WDR43: variants seen among roughly 807,000 people sequenced by gnomAD.
The protein encoded by WDR43 is WD repeat domain 43.
Under a neutral mutation model 91.4 loss-of-function variants are expected in WDR43, and 13 were observed. The ratio of observed to expected loss-of-function variants is 0.14; its 90% CI spans 0.09 to 0.23. The LOEUF is 0.23. Ranked by LOEUF, WDR43 falls within the 10% of genes least tolerant of loss-of-function variation. The pLI is 1.00. For synonymous variants in WDR43, 331 were observed against 287.9 expected, an observed-to-expected ratio of 1.15 and a Z score of -1.51; for missense variants, 780 against 809.4, an observed-to-expected ratio of 0.96 and a Z score of 0.44.
chr2:28,926,448 T>A lies in WDR43; in HGVS notation c.1087-20T>A, dbSNP rs1671144116. The A allele has an allele frequency of 6.7e-7, 1 of 1,494,488 alleles. No individual in the cohort carries two copies. The highest frequency in any genetic ancestry group is 9.0e-7 in the Non-Finnish European group (1 of 1,112,458). The allele number at this position is 1,494,488 out of a possible 1,614,324, so 92.6% of individuals were successfully genotyped here. The stretch of plus-strand genomic sequence containing the variant: ...TTTTCTTTCCTCTCATCTTCCCCTT[T>A]AAAAAAAATATATTTTCAGGCTTTA... On this transcript the variant is annotated intron_variant, in intron 8 of 17. Coordinates refer to ENST00000407426, the MANE Select transcript of WDR43 (RefSeq NM_015131.3).
chr2:28,912,211 A>T (rs1233968965), intron 3 of WDR43, among the ~76,000 whole-genome samples: 1 of 152,168 alleles, frequency 6.6e-6, no homozygotes, highest in Non-Finnish European at 1.5e-5. Context: ...TAGGGTTAGG[A>T]TGGGCTTGGG....
chr2:28,915,929 T>C (rs533719656), intron 5 of WDR43, among the ~76,000 whole-genome samples: 20 of 152,234 alleles, frequency 1.3e-4, no homozygotes, highest in Non-Finnish European at 2.5e-4. Context: ...AATTTTCTTC[T>C]GAACTCCAAA....
At position 28,927,686 on chromosome 2, in the gene WDR43, T is replaced by C; in HGVS notation, c.1291T>C (p.Ser431Pro). The C allele has an allele frequency of 6.2e-7, 1 of 1,613,906 alleles. No homozygotes were observed. The highest frequency in any genetic ancestry group is 8.5e-7 in the Non-Finnish European group (1 of 1,179,844). Residue 431 changes from serine (S) to proline (P), a missense_variant, in exon 10 of 18, where the codon TCA becomes CCA. By Grantham distance (74) the Ser-to-Pro change is moderately conservative. Around this residue, in one of 4 missense-constraint regions of WDR43, gnomAD observed 426 missense variants for 467.8 expected, o/e 0.91. Coordinates refer to ENST00000407426, the MANE Select transcript of WDR43 (RefSeq NM_015131.3). ...QTEQVESKRK[S>P]GGNEVSIEER... is the part of the protein sequence containing the mutation. ...CGAGCAAGTAGAGAGCAAGAGGAAG[T>C]CAGGGGGAAATGAGGTAATGCAACT...
intron 10 of WDR43, among the ~76,000 whole-genome samples, chr2:28,928,948 T>G (rs1358325636): frequency 6.6e-6 from 1 of 152,216 alleles, no homozygotes; most frequent in Admixed American, 6.5e-5. Context: ...GTGCTGGGAT[T>G]ACAGGTGAGA....
chr2:28,898,156 T>C (rs1172545032), intron 1 of WDR43, among the ~76,000 whole-genome samples: 1 of 152,278 alleles, frequency 6.6e-6, no homozygotes, highest in African/African-American at 2.4e-5. Context: ...TTTCCTTCTC[T>C]AACAGACCTT....
chr2:28,920,514 CA>C (rs1309941866), intron 6 of WDR43, among the ~76,000 whole-genome samples: 4 of 151,840 alleles, frequency 2.6e-5, no homozygotes, highest in African/African-American at 9.7e-5. Context: ...AGGCATAAGC[CA>C]CCCCACTCAA....
chr2:28,901,788 G>A (rs1259214403), intron 1 of WDR43, among the ~76,000 whole-genome samples, 199 bp from the exon 2 acceptor site: 1 of 152,052 alleles, frequency 6.6e-6, no homozygotes, highest in Non-Finnish European at 1.5e-5. Context: ...GGTGGGAGAC[G>A]GGGGACATAG....
intron 12 of WDR43, 83 bp from the exon 13 acceptor site, chr2:28,936,839 C>A: frequency 8.1e-7 from 1 of 1,232,492 alleles, no homozygotes; most frequent in Non-Finnish European, 1.2e-6. Context: ...AATAATTTCT[C>A]AATATTGTCA....
intron 4 of WDR43, 113 bp downstream of exon 4, chr2:28,912,823 T>C: frequency 7.2e-7 from 1 of 1,384,302 alleles, no homozygotes; most frequent in Non-Finnish European, 9.7e-7. Flanking sequence ...CATTGTCAGG[T>C]ACATCAAATA....
intron 5 of WDR43, among the ~76,000 whole-genome samples, chr2:28,916,203 T>C (rs189488004): frequency 3.3e-5 from 5 of 152,312 alleles, no homozygotes; most frequent in Admixed American, 1.3e-4. Context: ...ACAAATACAA[T>C]TGCTATGGAC....
At chr2:28,918,878 T>C (rs1572591059) in intron 6 of WDR43, among the ~76,000 whole-genome samples, 2 of 152,370 alleles carry the variant, frequency 1.3e-5, no homozygotes, top group East Asian at 3.9e-4. Context: ...TATTCACTTT[T>C]AACTCAATTT....
intron 11 of WDR43, among the ~76,000 whole-genome samples, chr2:28,931,145 G>A (rs1208340249): frequency 1.4e-5 from 2 of 147,432 alleles, no homozygotes; most frequent in Admixed American, 6.9e-5. Context: ...GCGCAATCTC[G>A]GCTCACTGCT....
intron 3 of WDR43, among the ~76,000 whole-genome samples, chr2:28,910,708 AT>A (rs955081102): frequency 2.4e-5 from 3 of 127,482 alleles, no homozygotes; most frequent in South Asian, 2.4e-4. Flanking sequence ...TATTATTTTT[AT>A]TTTTTTTGAG....
chr2:28,933,494 T>C (rs4371318), intron 11 of WDR43, among the ~76,000 whole-genome samples: 40,374 of 152,042 alleles, frequency 0.27, 6,539 homozygotes, highest in East Asian at 0.77. Flanking sequence ...AGATATAGCA[T>C]ACAATGCATG....
chr2:28,906,772 T>TA (rs1262745295), intron 3 of WDR43, among the ~76,000 whole-genome samples, 191 bp downstream of exon 3: 1 of 152,106 alleles, frequency 6.6e-6, no homozygotes, highest in Non-Finnish European at 1.5e-5. Flanking sequence ...GGTACAAAAA[T>TA]AAAGCAACTG....
At chr2:28,938,034 T>C in intron 14 of WDR43, 40 bp downstream of exon 14, 2 of 1,606,772 alleles carry the variant, frequency 1.2e-6, no homozygotes, top group Non-Finnish European at 1.7e-6. Context: ...ATGAATAGTT[T>C]GGCTTTGATA....
At chr2:28,933,837 A>G (rs527897866) in intron 11 of WDR43, among the ~76,000 whole-genome samples, 23 of 152,322 alleles carry the variant, frequency 1.5e-4, no homozygotes, top group Non-Finnish European at 1.2e-4. Context: ...AGACAATAAT[A>G]CCATCTGTTG....
Position 28,914,076 on chromosome 2 carries a change from C to G in WDR43, c.614C>G (p.Thr205Arg). ...AGATTTAACTTTCTCTAGCATTTCACAGGACATGCAACGCCAGTTTCGTCA... is the reference window on the plus strand; with the variant it reads ...AGATTTAACTTTCTCTAGCATTTCAGAGGACATGCAACGCCAGTTTCGTCA... ...LETKEVYRHF[T>R]GHATPVSSLM... Residue 205 changes from threonine (T) to arginine (R), a missense_variant, in exon 5 of 18, where the codon ACA becomes AGA. Transcript: ENST00000407426. 1 of 1,613,078 alleles carries G rather than the reference C, an allele frequency of 6.2e-7. No individual in the cohort carries two copies. Among genetic ancestry groups the G allele is most frequent in the Non-Finnish European group, 8.5e-7 (1 of 1,179,656 alleles).
rs994555452 is a variant in WDR43, at chr2:28,947,362, A to C, written c.*583A>C. Reference sequence around the variant, plus strand: ...TAATCTGACTTGAGTCAGATTGAATATTTGGAGTGCTTCCCCAGAATAACC... The same window carrying C: ...TAATCTGACTTGAGTCAGATTGAATCTTTGGAGTGCTTCCCCAGAATAACC... On this transcript the variant is annotated 3_prime_UTR_variant, in exon 18 of 18. Coordinates refer to ENST00000407426, the MANE Select transcript of WDR43 (RefSeq NM_015131.3). 6.6e-6 allele frequency: 1 copy of C among 152,204 alleles called. No homozygotes were observed. The highest frequency in any genetic ancestry group is 1.9e-4 in the East Asian group (1 of 5,198). The allele number at this position is 152,204 out of a possible 1,614,324, so 9.4% of individuals were successfully genotyped here. A position where few individuals can be genotyped will look rare whatever the true frequency, so the allele number is the denominator to read the frequency against.
Sources: gnomAD v4.1 joint callset for allele counts (sites outside exome capture counted in the v4.1 genomes callset) on GRCh38, gnomAD v4.1.1 for gene constraint, gnomAD v4.1.1 regional missense constraint, MANE v1.5 for transcripts, NCBI Gene and HGNC (gene_info 2026-07-23, HGNC 2026-07-21) for gene names.